SSBP3: variants seen among roughly 807,000 people sequenced by gnomAD.
SSBP3 encodes the protein single-stranded DNA-binding protein 3.
Under a neutral mutation model 69.6 loss-of-function variants are expected in SSBP3, and 5 were observed. The observed-to-expected ratio is 0.07, with a 90% CI of 0.04 to 0.15. SSBP3 has a LOEUF of 0.15. Among genes scored for constraint, SSBP3 ranks in the 10% least tolerant of loss-of-function variants. The pLI is 1.00. For synonymous variants in SSBP3, 196 were observed against 193.4 expected (o/e 1.01, Z -0.11); for missense variants, 312 against 534.0 (o/e 0.58, Z 4.10).
intron 4 of SSBP3, among the ~76,000 whole-genome samples, chr1:54,378,180 A>C (rs936934844): frequency 1.8e-4 from 28 of 152,338 alleles, no homozygotes; most frequent in African/African-American, 6.7e-4. Flanking sequence ...AAATGAACTG[A>C]ATCCAGCCCA....
chr1:54,275,347 C>G (rs527318837), intron 5 of SSBP3, among the ~76,000 whole-genome samples: 1 of 152,366 alleles, frequency 6.6e-6, no homozygotes, highest in South Asian at 2.1e-4. Flanking sequence ...CAAAAGCAAA[C>G]AAGGTGGTTT....
At chr1:54,308,143 G>A (rs1031546328) in intron 4 of SSBP3, among the ~76,000 whole-genome samples, 3 of 152,104 alleles carry the variant, frequency 2.0e-5, no homozygotes, top group Non-Finnish European at 4.4e-5. Flanking sequence ...CCCCTTACCA[G>A]AGATGCTCTT....
rs528290026 is a variant in SSBP3 at position 54,237,201 on chromosome 1, G to A, written c.927+1928C>T. 1.4e-3 allele frequency: 209 copies of A among 152,354 alleles called. 1 individual carries two copies. The highest frequency in any genetic ancestry group is 5.0e-3 in the African/African-American group (208 of 41,582). The allele number at this position is 152,354 out of a possible 1,614,324, so 9.4% of individuals were successfully genotyped here. On this transcript the variant is annotated intron_variant, in intron 14 of 17. Coordinates refer to ENST00000610401, the Ensembl canonical transcript of SSBP3. ...GCACTCGGAAGCACGAATGCTGGAA[G>A]GATCAGACAGGGTCAGCACTACTGT... is the stretch of plus-strand genomic sequence containing the variant.
upstream of SSBP3, among the ~76,000 whole-genome samples, chr1:54,406,822 C>T (rs1196607616): frequency 4.0e-5 from 6 of 151,710 alleles, no homozygotes; most frequent in Non-Finnish European, 7.4e-5. Context: ...CGCCCCGTCC[C>T]TCTCCCTTAT....
At chr1:54,257,974 T>A (rs1246728973) in intron 6 of SSBP3, 95 bp downstream of exon 6, 2 of 1,229,182 alleles carry the variant, frequency 1.6e-6, no homozygotes, top group East Asian at 5.3e-5. Flanking sequence ...AGGCAGTGGC[T>A]AGAGCACATT....
At chr1:54,358,301 AC>A (rs1646899662) in intron 4 of SSBP3, among the ~76,000 whole-genome samples, 1 of 152,058 alleles carries the variant, frequency 6.6e-6, no homozygotes, top group Non-Finnish European at 1.5e-5. Flanking sequence ...TGTGCAACAG[AC>A]CCTCAGTATT....
At chr1:54,383,058 G>A (rs1647797669) in intron 4 of SSBP3, among the ~76,000 whole-genome samples, 1 of 149,400 alleles carries the variant, frequency 6.7e-6, no homozygotes, top group African/African-American at 2.5e-5. Flanking sequence ...AGGAAGGAAG[G>A]AAAGAAAGAA....
At chr1:54,347,481 A>G (rs1246054360) in intron 4 of SSBP3, among the ~76,000 whole-genome samples, 1 of 151,846 alleles carries the variant, frequency 6.6e-6, no homozygotes, top group African/African-American at 2.4e-5. Context: ...GATTACAGGC[A>G]TTAGTCACTA....
upstream of SSBP3, among the ~76,000 whole-genome samples, chr1:54,410,621 C>T (rs912746709): frequency 6.6e-6 from 1 of 152,168 alleles, no homozygotes; most frequent in Non-Finnish European, 1.5e-5. Context: ...CAGAAGTTTC[C>T]CTGAGGGATC....
At chr1:54,286,898 A>C (rs1260531749) in intron 4 of SSBP3, 1 of 152,108 alleles carries the variant, frequency 6.6e-6, no homozygotes, top group Admixed American at 6.5e-5. Flanking sequence ...AAATCCCAAT[A>C]CCACCAGAGT....
intron 4 of SSBP3, chr1:54,287,159 C>T (rs1191117676): frequency 6.6e-6 from 1 of 152,200 alleles, no homozygotes; most frequent in Non-Finnish European, 1.5e-5. Flanking sequence ...GTTCTAGGCA[C>T]AGGAAGCTCC....
intron 4 of SSBP3, among the ~76,000 whole-genome samples, chr1:54,307,601 G>A (rs1016041601): frequency 6.6e-6 from 1 of 152,188 alleles, no homozygotes; most frequent in African/African-American, 2.4e-5. Flanking sequence ...GAAACCTACT[G>A]AGCTGCATTC....
chr1:54,228,841 C>T lies in SSBP3; in HGVS notation c.928-15G>A. The T allele has an allele frequency of 1.9e-6, 3 of 1,609,810 alleles. No homozygotes were observed. The highest frequency in any genetic ancestry group is 1.1e-5 in the South Asian group (1 of 90,244). Reference sequence around the variant, plus strand: ...CCCATCGGGAACTGGGGAAGAAGCACAGGGCATGGCAGCTCAGCGGGCCCT... The same window carrying T: ...CCCATCGGGAACTGGGGAAGAAGCATAGGGCATGGCAGCTCAGCGGGCCCT... On this transcript the variant is annotated splice_polypyrimidine_tract_variant and intron_variant, in intron 14 of 17. Coordinates refer to ENST00000610401, the Ensembl canonical transcript of SSBP3.
chr1:54,334,571 T>C (rs111460354), intron 4 of SSBP3, among the ~76,000 whole-genome samples: 10 of 152,166 alleles, frequency 6.6e-5, no homozygotes, highest in African/African-American at 2.4e-4. Flanking sequence ...AGTTTAACAT[T>C]GGTCAAGTAA....
intron 9 of SSBP3, among the ~76,000 whole-genome samples, chr1:54,247,901 T>G (rs1644761208): frequency 6.6e-6 from 1 of 152,226 alleles, no homozygotes; most frequent in Admixed American, 6.5e-5. Context: ...AGAAGAGTTC[T>G]AAGTGGAAGT....
intron 3 of SSBP3, among the ~76,000 whole-genome samples, chr1:54,402,602 CAGTT>C (rs1033963476): frequency 6.9e-6 from 1 of 144,806 alleles, no homozygotes; most frequent in Non-Finnish European, 1.5e-5. Context: ...AAACACAAAT[CAGTT>C]AGGCAAAGGA....
At chr1:54,299,483 A>G (rs954625286) in intron 4 of SSBP3, among the ~76,000 whole-genome samples, 2 of 145,998 alleles carry the variant, frequency 1.4e-5, no homozygotes, top group African/African-American at 2.6e-5. Context: ...CACGCTGTCG[A>G]TAATTTGGAT....
intron 5 of SSBP3, among the ~76,000 whole-genome samples, chr1:54,275,114 G>A (rs1645260464): frequency 6.6e-6 from 1 of 152,190 alleles, no homozygotes; most frequent in Non-Finnish European, 1.5e-5. Context: ...TGAGCCCCTT[G>A]AGGGCAGGGT....
At chr1:54,342,405 G>A (rs1301824800) in intron 4 of SSBP3, among the ~76,000 whole-genome samples, 1 of 152,244 alleles carries the variant, frequency 6.6e-6, no homozygotes, top group Non-Finnish European at 1.5e-5. Flanking sequence ...TGGATCAATA[G>A]CCCTCTTAGC....
Sources: allele counts gnomAD v4.1 joint callset (sites outside exome capture counted in the v4.1 genomes callset), GRCh38; gene constraint gnomAD v4.1.1; transcripts MANE v1.5; gene names NCBI Gene and HGNC (gene_info 2026-07-23, HGNC 2026-07-21).